Variants in CELF1 observed in about 807,000 individuals in gnomAD.
CELF1 encodes 50 kDa nuclear polyadenylated RNA-binding protein.
A neutral mutation model predicts 61.8 loss-of-function variants in CELF1; 10 were observed. That is an observed-to-expected ratio of 0.16 (90% confidence interval 0.10 to 0.27). The LOEUF (loss-of-function observed/expected upper bound fraction) is 0.27, where lower values mean the gene tolerates loss of function less well. CELF1 is among the 10% of genes least tolerant of loss of function. The probability of loss-of-function intolerance (pLI) is 1.00; values close to 1 mark genes in which losing one functional copy is unlikely to be tolerated. For missense variants in CELF1, 380 were observed against 639.1 expected (o/e 0.59, Z 4.37); for synonymous variants, 236 against 225.1 (o/e 1.05, Z -0.43).
intron 11 of CELF1, 97 bp from the exon 12 acceptor site, chr11:47,477,056 G>A: frequency 9.1e-7 from 1 of 1,098,556 alleles, no homozygotes; most frequent in Non-Finnish European, 1.4e-6. Flanking sequence ...TTTGTAAAGA[G>A]GTTTTCAGTT....
intron 1 of CELF1, among the ~76,000 whole-genome samples, chr11:47,542,242 T>C (rs575696480): frequency 1.3e-5 from 2 of 152,222 alleles, no homozygotes; most frequent in South Asian, 2.1e-4. Flanking sequence ...TGCTGGCAGG[T>C]GCCTATAATC....
chr11:47,538,487 C>CA (rs2096687639), intron 1 of CELF1, among the ~76,000 whole-genome samples: 2 of 151,764 alleles, frequency 1.3e-5, no homozygotes, highest in African/African-American at 2.4e-5. Context: ...ACTAAAAATA[C>CA]AAAAAATTAG....
intron 1 of CELF1, among the ~76,000 whole-genome samples, chr11:47,545,868 TGC>T (rs767023121): frequency 0.2 from 6,218 of 30,362 alleles, 210 homozygotes; most frequent in East Asian, 0.41. Flanking sequence ...TGTGTGTGTC[TGC>T]GTGTGTGTGT....
rs1198765451 is a variant in CELF1 at position 47,481,081 on chromosome 11, G to GT, written c.768+1613dup. 7.3e-3 allele frequency among the ~76,000 whole-genome samples: 677 copies of GT among 92,670 alleles called. 4 individuals carry two copies. Among genetic ancestry groups the GT allele is most frequent in the African/African-American group, 0.012 (343 of 28,996 alleles). The allele number at this position is 92,670 out of a possible 152,430, so 60.8% of individuals were successfully genotyped here. On this transcript the variant is annotated intron_variant, in intron 9 of 14. Coordinates refer to ENST00000687097, the MANE Select transcript of CELF1 (RefSeq NM_001376376.1). ...GAAATACTAGCTAGGATAAACTGGG[G>GT]TTTTTTTTTTTTTTCTTCTTCTTTT...
At chr11:47,538,971 A>C (rs573812840) in intron 1 of CELF1, among the ~76,000 whole-genome samples, 2 of 152,194 alleles carry the variant, frequency 1.3e-5, no homozygotes, top group African/African-American at 2.4e-5. Context: ...CTTTGTTTAA[A>C]GTCTCAACAG....
At chr11:47,507,634 AT>A (rs1160921855) in intron 1 of CELF1, among the ~76,000 whole-genome samples, 1 of 152,208 alleles carries the variant, frequency 6.6e-6, no homozygotes, top group Admixed American at 6.5e-5. Context: ...TGCCAGCTGT[AT>A]TTCTGTCTGG....
chr11:47,471,957 G>GAAACAA lies in CELF1; in HGVS notation c.*267_*272dup, dbSNP rs770842168. 10 of 346,220 alleles carry GAAACAA rather than the reference G, an allele frequency of 2.9e-5. No homozygotes were observed. The highest frequency in any genetic ancestry group is 1.6e-4 in the Admixed American group (4 of 24,644). The allele number at this position is 346,220 out of a possible 1,614,324, so 21.4% of individuals were successfully genotyped here. Reference sequence around the variant, plus strand: ...AACACAGCAAACTTTAAATAAAGGAGAAACAAAAACAAAAACAAAAAAAAC... The same window carrying GAAACAA: ...AACACAGCAAACTTTAAATAAAGGAGAAACAAAAACAAAAACAAAAACAAAAAAAAC... On this transcript the variant is annotated 3_prime_UTR_variant, in exon 15 of 15. Coordinates refer to ENST00000687097, the MANE Select transcript of CELF1 (RefSeq NM_001376376.1).
intron 1 of CELF1, among the ~76,000 whole-genome samples, chr11:47,541,719 A>G (rs1443631483): frequency 1.4e-4 from 1 of 7,270 alleles, no homozygotes; most frequent in Non-Finnish European, 4.1e-4. Flanking sequence ...AGAAAGAAAG[A>G]AAGAAAGAAC....
At chr11:47,556,714 A>G (rs189381076), upstream of CELF1, among the ~76,000 whole-genome samples, 1 of 152,206 alleles carries the variant, frequency 6.6e-6, no homozygotes, top group East Asian at 1.9e-4. Flanking sequence ...CCATATAAAT[A>G]AAAAATTTAA....
At chr11:47,536,964 C>T (rs61895111) in intron 1 of CELF1, among the ~76,000 whole-genome samples, 16,166 of 152,010 alleles carry the variant, frequency 0.11, 988 homozygotes, top group Non-Finnish European at 0.14. Context: ...AGCCTAGAAA[C>T]AAAAAGGAGA....
chr11:47,484,804 G>C lies in CELF1; in HGVS notation c.392-281C>G, dbSNP rs569467384. Among the ~76,000 whole-genome samples the C allele has an allele frequency of 1.1e-4, 16 of 152,248 alleles. No individual in the cohort carries two copies. The South Asian group carries it at 3.1e-3, about 30-fold the overall frequency. ...AGTGATTCTCCTGCCTCAGCCTCCT[G>C]AGTAGCTGGGATTACAGGCATGCGC... On this transcript the variant is annotated intron_variant, in intron 6 of 14. Coordinates refer to ENST00000687097, the MANE Select transcript of CELF1 (RefSeq NM_001376376.1).
chr11:47,489,955 T>TTTTTTTTTTTTTTTTTTTTTTTTAA, intron 3 of CELF1, among the ~76,000 whole-genome samples: 1 of 141,374 alleles, frequency 7.1e-6, no homozygotes, highest in South Asian at 2.3e-4. Context: ...TTTTTTTTTT[T>TTTTTTTTTTTTTTTTTTTTTTTTAA]GAGACGGAAT....
chr11:47,498,905 C>T (rs1416594899), intron 3 of CELF1, among the ~76,000 whole-genome samples: 3 of 150,094 alleles, frequency 2.0e-5, no homozygotes, highest in African/African-American at 4.9e-5. Context: ...AAATCACGTG[C>T]TGAGCTGTAT....
chr11:47,486,709 A>G, intron 6 of CELF1, 41 bp downstream of exon 6: 1 of 1,550,444 alleles, frequency 6.4e-7, no homozygotes. Flanking sequence ...TGCCTGGCCT[A>G]GGCAGAAATC....
At chr11:47,551,768 C>T (rs1480886271) in intron 1 of CELF1, among the ~76,000 whole-genome samples, 2 of 152,204 alleles carry the variant, frequency 1.3e-5, no homozygotes, top group Non-Finnish European at 2.9e-5. Flanking sequence ...ATCCCCAGCA[C>T]TCTGGGAGGT....
intron 3 of CELF1, chr11:47,494,410 TTACTTCGTC>T (rs1270048778): frequency 2.0e-6 from 2 of 984,052 alleles, no homozygotes; most frequent in Non-Finnish European, 2.4e-6. Flanking sequence ...GGACAAGAGG[TTACTTCGTC>T]TACCTTGATT....
At chr11:47,554,663 GTT>G (rs35866451), upstream of CELF1, among the ~76,000 whole-genome samples, 3 of 142,302 alleles carry the variant, frequency 2.1e-5, no homozygotes, top group African/African-American at 2.6e-5. Flanking sequence ...ATCTAACACA[GTT>G]TTTTTTTTTT....
rs938379323 is a variant in CELF1 at position 47,529,592 on chromosome 11, G to T, written c.-154+23400C>A. Among the ~76,000 whole-genome samples the T allele has an allele frequency of 3.3e-5, 5 of 152,196 alleles. No individual in the cohort carries two copies. The South Asian group carries it at 1.0e-3, about 32-fold the overall frequency. On this transcript the variant is annotated intron_variant, in intron 1 of 14. Transcript: ENST00000687097. ...GAGAATCATTTGAACCCAGGAAGTG[G>T]AGGTTGTAGTGAGCCGAGATCCTGT...
Position 47,471,981 on chromosome 11 carries a change from A to AC in CELF1, c.*248dup. 2.4e-6 allele frequency: 1 copy of AC among 416,906 alleles called. No homozygotes were observed. The highest frequency in any genetic ancestry group is 3.6e-5 in the Admixed American group (1 of 27,634). The allele number at this position is 416,906 out of a possible 1,614,324, so 25.8% of individuals were successfully genotyped here. A position where few individuals can be genotyped will look rare whatever the true frequency, so the allele number is the denominator to read the frequency against. ...AGAAACAAAAACAAAAACAAAAAAA[A>AC]CCTCAGGATATGGCACCTAAACTCC... On this transcript the variant is annotated 3_prime_UTR_variant, in exon 15 of 15. Coordinates refer to ENST00000687097, the MANE Select transcript of CELF1 (RefSeq NM_001376376.1).
Sources: gnomAD v4.1 joint callset for allele counts (sites outside exome capture counted in the v4.1 genomes callset) on GRCh38, gnomAD v4.1.1 for gene constraint, MANE v1.5 for transcripts, NCBI Gene and HGNC (gene_info 2026-07-23, HGNC 2026-07-21) for gene names.